Variants in CHSY3 observed in about 807,000 individuals in gnomAD.
CHSY3 encodes the protein N-acetylgalactosaminyl-proteoglycan 3-beta-glucuronosyltransferase 3.
CHSY3 carries 35 observed loss-of-function variants against 67.2 expected under a neutral mutation model. The ratio of observed to expected loss-of-function variants is 0.52; its 90% CI spans 0.40 to 0.69. CHSY3 has a LOEUF of 0.69. Among genes scored for constraint, CHSY3 ranks in the 30% least tolerant of loss-of-function variants. The pLI, the probability that CHSY3 is intolerant of heterozygous loss-of-function variation, is 0.00. For missense variants in CHSY3, 1,069 were observed against 1,138.5 expected, an observed-to-expected ratio of 0.94 and a Z score of 0.88; for synonymous variants, 474 against 434.7, an observed-to-expected ratio of 1.09 and a Z score of -1.12.
intron 2 of CHSY3, among the ~76,000 whole-genome samples, chr5:130,081,774 G>A (rs1766454457): frequency 6.6e-6 from 1 of 152,028 alleles, no homozygotes; most frequent in Admixed American, 6.6e-5. Flanking sequence ...TGATTGGGAG[G>A]CCTCCCCAAG....
At chr5:130,169,455 A>G (rs1014595631) in intron 2 of CHSY3, among the ~76,000 whole-genome samples, 10 of 152,102 alleles carry the variant, frequency 6.6e-5, no homozygotes, top group African/African-American at 1.2e-4. Context: ...GAAGATTACT[A>G]CAGAAGCATA....
intron 2 of CHSY3, among the ~76,000 whole-genome samples, chr5:130,064,572 C>T (rs1765822206): frequency 6.6e-6 from 1 of 152,134 alleles, no homozygotes; most frequent in African/African-American, 2.4e-5. Context: ...TAATTTTGCT[C>T]AATTTGGGAA....
chr5:130,051,774 G>A (rs1765365105), intron 2 of CHSY3, among the ~76,000 whole-genome samples: 1 of 152,002 alleles, frequency 6.6e-6, no homozygotes, highest in Admixed American at 6.6e-5. Context: ...GAAAGATAAG[G>A]GGAGAAAAGC....
At chr5:130,165,500 C>A (rs1769718146) in intron 2 of CHSY3, among the ~76,000 whole-genome samples, 1 of 151,940 alleles carries the variant, frequency 6.6e-6, no homozygotes. Context: ...CTATTAAAAT[C>A]CATTATCGTG....
At chr5:130,084,433 T>C (rs922785277) in intron 2 of CHSY3, among the ~76,000 whole-genome samples, 3 of 151,816 alleles carry the variant, frequency 2.0e-5, no homozygotes. Flanking sequence ...CTCTGTAAAA[T>C]ATTTGAAAAA....
intron 2 of CHSY3, among the ~76,000 whole-genome samples, chr5:130,183,365 G>A (rs1257456150): frequency 1.3e-5 from 2 of 152,090 alleles, no homozygotes; most frequent in African/African-American, 4.8e-5. Flanking sequence ...CATCAGGAGT[G>A]TAGATCAGTA....
chr5:129,918,107 A>G (rs550484961), intron 2 of CHSY3, among the ~76,000 whole-genome samples: 1 of 152,192 alleles, frequency 6.6e-6, no homozygotes, highest in Non-Finnish European at 1.5e-5. Context: ...CCAAAGAACT[A>G]ATCATTGGAC....
Position 130,037,345 on chromosome 5 carries a change from C to T in CHSY3, c.1086+128985C>T, listed in dbSNP as rs191669215. On this transcript the variant is annotated intron_variant, in intron 2 of 2. Transcript: ENST00000305031. The stretch of plus-strand genomic sequence containing the variant: ...CCTTCCCACCCTCAGCCCCCTCTTG[C>T]CAAGGAAGGTACAGGAAGACAAATC... 6.2e-3 allele frequency among the ~76,000 whole-genome samples: 941 copies of T among 152,190 alleles called. 42 individuals are homozygous for T. Among genetic ancestry groups the T allele is most frequent in the Admixed American group, 0.054 (821 of 15,272 alleles).
chr5:130,005,752 C>G (rs1176964349), intron 2 of CHSY3, among the ~76,000 whole-genome samples: 1 of 152,128 alleles, frequency 6.6e-6, no homozygotes, highest in Non-Finnish European at 1.5e-5. Flanking sequence ...CCTAAGCACA[C>G]TGATACTCTA....
intron 2 of CHSY3, among the ~76,000 whole-genome samples, chr5:130,133,057 T>G (rs1175141413): frequency 6.6e-6 from 1 of 152,224 alleles, no homozygotes; most frequent in African/African-American, 2.4e-5. Flanking sequence ...AGAAATGCCA[T>G]GCCTCGTTGG....
intron 2 of CHSY3, among the ~76,000 whole-genome samples, chr5:130,152,036 T>A (rs1221140919): frequency 6.6e-6 from 1 of 152,184 alleles, no homozygotes; most frequent in East Asian, 1.9e-4. Flanking sequence ...CCCAACATTA[T>A]TCAAAATTTA....
intron 2 of CHSY3, among the ~76,000 whole-genome samples, chr5:130,087,200 T>C (rs1302468560): frequency 6.6e-6 from 1 of 151,672 alleles, no homozygotes; most frequent in Non-Finnish European, 1.5e-5. Context: ...ATAAATTAGG[T>C]ATTGATGGGA....
chr5:130,110,641 T>C (rs1015337501), intron 2 of CHSY3, among the ~76,000 whole-genome samples: 14 of 151,922 alleles, frequency 9.2e-5, no homozygotes, highest in African/African-American at 3.4e-4. Context: ...AGGTTTTTTT[T>C]CTAACTTAGA....
chr5:129,923,643 C>T (rs1760997359), intron 2 of CHSY3, among the ~76,000 whole-genome samples: 1 of 152,112 alleles, frequency 6.6e-6, no homozygotes, highest in Non-Finnish European at 1.5e-5. Context: ...GAGGGAGAAG[C>T]TTTTCTGCAG....
chr5:129,998,113 T>C lies in CHSY3; in HGVS notation c.1086+89753T>C, dbSNP rs377433614. ...GTCTTCCACAATGGTTGAACTAATT[T>C]ACACTCCCACCAACAGTGTAAAAGC... On this transcript the variant is annotated intron_variant, in intron 2 of 2. Transcript: ENST00000305031. Among the ~76,000 whole-genome samples the C allele has an allele frequency of 1.3e-4, 20 of 152,204 alleles. 1 individual carries two copies. In the East Asian group the frequency reaches 1.9e-3, roughly 15 times the overall value.
At chr5:129,937,101 A>G (rs1157198976) in intron 2 of CHSY3, among the ~76,000 whole-genome samples, 3 of 152,176 alleles carry the variant, frequency 2.0e-5, no homozygotes, top group African/African-American at 7.2e-5. Context: ...ATGAGACACT[A>G]TATTTGTCCA....
At chr5:130,155,362 A>G (rs965062618) in intron 2 of CHSY3, among the ~76,000 whole-genome samples, 3 of 152,218 alleles carry the variant, frequency 2.0e-5, no homozygotes, top group Non-Finnish European at 2.9e-5. Flanking sequence ...TCAGGCTAAT[A>G]GTGCTAGTGG....
chr5:129,916,472 A>T (rs1024615367), intron 2 of CHSY3, among the ~76,000 whole-genome samples: 2 of 152,226 alleles, frequency 1.3e-5, no homozygotes, highest in African/African-American at 4.8e-5. Context: ...TTATAATAAT[A>T]ATTTAATTTT....
intron 2 of CHSY3, among the ~76,000 whole-genome samples, chr5:130,104,452 G>A (rs1361783901): frequency 6.6e-6 from 1 of 151,770 alleles, no homozygotes; most frequent in Non-Finnish European, 1.5e-5. Flanking sequence ...AACAAAATAT[G>A]ACTTAAAAAG....
Sources: allele counts gnomAD v4.1 joint callset (sites outside exome capture counted in the v4.1 genomes callset), GRCh38; gene constraint gnomAD v4.1.1; transcripts MANE v1.5; gene names NCBI Gene and HGNC (gene_info 2026-07-23, HGNC 2026-07-21).